Variants in COL24A1 observed in about 807,000 individuals in gnomAD.
COL24A1 encodes collagen alpha-1(XXIV) chain.
Under a neutral mutation model 253.9 loss-of-function variants are expected in COL24A1, and 224 were observed. That is an observed-to-expected ratio of 0.88 (90% CI 0.79 to 0.99). COL24A1 has a LOEUF of 0.99. Among genes scored for constraint, COL24A1 ranks in the 50% least tolerant of loss-of-function variants. The pLI, the probability that COL24A1 is intolerant of heterozygous loss-of-function variation, is 0.00. For synonymous variants in COL24A1, 685 were observed against 673.7 expected, an observed-to-expected ratio of 1.02 and a Z score of -0.26; for missense variants, 2,131 against 2,068.5, an observed-to-expected ratio of 1.03 and a Z score of -0.59.
intron 18 of COL24A1, among the ~76,000 whole-genome samples, chr1:86,018,876 T>A (rs915773158): frequency 1.1e-4 from 17 of 152,274 alleles, no homozygotes; most frequent in South Asian, 2.1e-4. Flanking sequence ...CTATTTTTTT[T>A]TAAAATACTT....
chr1:85,784,208 C>T (rs1312961879), intron 49 of COL24A1, 42 bp from the exon 50 acceptor site: 4 of 1,610,058 alleles, frequency 2.5e-6, no homozygotes, highest in Non-Finnish European at 3.4e-6. Flanking sequence ...TGTACAATGG[C>T]AGCCTGCTCT....
chr1:86,125,845 T>C lies in COL24A1; in HGVS notation c.491A>G (p.His164Arg), dbSNP rs552006324. The C allele has an allele frequency of 6.2e-7, 1 of 1,613,300 alleles. No individual in the cohort carries two copies. The change falls in exon 3 of 60, where the codon CAC becomes CGC. Residue 164 changes from histidine to arginine, a missense_variant. Physicochemically the swap from His to Arg is conservative, Grantham distance 29 (BLOSUM62 0). Transcript: ENST00000370571. ...FNYSVHDEQW[H>R]SFAITIRNQS... ...GTTTCTAATAGTAATGGCAAATGAG[T>C]GCCATTGCTCATCATGAACACTGTA... is the stretch of plus-strand genomic sequence containing the variant.
intron 24 of COL24A1, among the ~76,000 whole-genome samples, chr1:85,952,136 A>G (rs1689995932): frequency 6.6e-6 from 1 of 152,222 alleles, no homozygotes; most frequent in Non-Finnish European, 1.5e-5. Context: ...ACATTCTCTG[A>G]TAACTTTTTC....
chr1:85,997,469 T>C (rs1694939116), intron 19 of COL24A1, among the ~76,000 whole-genome samples: 2 of 152,076 alleles, frequency 1.3e-5, no homozygotes, highest in African/African-American at 4.8e-5. Flanking sequence ...TCCTATTCCA[T>C]TGCTATTGCA....
intron 12 of COL24A1, among the ~76,000 whole-genome samples, chr1:86,040,010 A>G (rs527733781): frequency 1.3e-5 from 2 of 152,190 alleles, no homozygotes; most frequent in Non-Finnish European, 2.9e-5. Context: ...GTTTGGCCCA[A>G]TTCATGGAGA....
rs187240760 is a variant in COL24A1, at chr1:85,787,287, G to T, written c.3952-826C>A. On this transcript the variant is annotated intron_variant, in intron 47 of 59. Coordinates refer to ENST00000370571, the MANE Select transcript of COL24A1 (RefSeq NM_152890.7). ...AGGTAAATGTGTGCCATGGTGATTT[G>T]CTCCAGCTATCAACCCATCACCTAG... is the stretch of plus-strand genomic sequence containing the variant. Among the ~76,000 whole-genome samples, 69 of 151,572 alleles carry T rather than the reference G, an allele frequency of 4.6e-4. No homozygotes were observed. In the East Asian group the frequency reaches 0.013, roughly 29 times the overall value.
At chr1:86,122,056 C>T (rs1223034873) in intron 3 of COL24A1, among the ~76,000 whole-genome samples, 1 of 152,110 alleles carries the variant, frequency 6.6e-6, no homozygotes, top group African/African-American at 2.4e-5. Flanking sequence ...ATTATTTTAT[C>T]ACCATTCAGT....
intron 48 of COL24A1, among the ~76,000 whole-genome samples, chr1:85,785,651 G>A (rs1669606577): frequency 6.6e-6 from 1 of 152,196 alleles, no homozygotes; most frequent in Non-Finnish European, 1.5e-5. Flanking sequence ...CAGTAAACAA[G>A]TAGGTCATGA....
chr1:85,747,515 A>C (rs1329827666), intron 55 of COL24A1, among the ~76,000 whole-genome samples: 1 of 152,160 alleles, frequency 6.6e-6, no homozygotes, highest in Non-Finnish European at 1.5e-5. Context: ...GTTAATATAA[A>C]TATTTTTATA....
chr1:85,730,401 G>A lies in COL24A1; in HGVS notation c.*145C>T. On this transcript the variant is annotated 3_prime_UTR_variant, in exon 60 of 60. Coordinates refer to ENST00000370571, the MANE Select transcript of COL24A1 (RefSeq NM_152890.7). ...AAAATGCCTTTTCTCCTTCTTAGGAGGAAGTCTGTTCTTCCTGAGATTCTT... is the reference window on the plus strand; with the variant it reads ...AAAATGCCTTTTCTCCTTCTTAGGAAGAAGTCTGTTCTTCCTGAGATTCTT... The A allele has an allele frequency of 1.3e-6, 1 of 757,468 alleles. No individual in the cohort carries two copies. Among genetic ancestry groups the A allele is most frequent in the Non-Finnish European group, 2.0e-6 (1 of 498,030 alleles). The allele number at this position is 757,468 out of a possible 1,614,324, so 46.9% of individuals were successfully genotyped here.
chr1:86,014,630 T>C (rs1263859909), intron 19 of COL24A1, among the ~76,000 whole-genome samples: 2 of 150,824 alleles, frequency 1.3e-5, no homozygotes, highest in Admixed American at 6.7e-5. Flanking sequence ...TCCTATTTTC[T>C]ATTTTTGGAA....
chr1:85,819,121 A>G (rs1301838029), intron 45 of COL24A1, among the ~76,000 whole-genome samples: 4 of 152,180 alleles, frequency 2.6e-5, no homozygotes, highest in African/African-American at 9.7e-5. Context: ...TTTGAAAACT[A>G]TTGTACTTGT....
In COL24A1 at chr1:85,856,622, T is replaced by C. The variant is rs76944193; in HGVS notation, c.3301-7216A>G. On this transcript the variant is annotated intron_variant, in intron 37 of 59. Transcript: ENST00000370571. ...CATTTGTATTTGGTATGTTAAACTT[T>C]ACGCGTCCAAAACCAAAGTCTCTAA... Among the ~76,000 whole-genome samples, 892 of 152,310 alleles carry C rather than the reference T, an allele frequency of 5.9e-3. 7 individuals carry two copies. Among genetic ancestry groups the C allele is most frequent in the African/African-American group, 0.021 (861 of 41,570 alleles).
chr1:86,110,566 C>T (rs2102136840), intron 5 of COL24A1, among the ~76,000 whole-genome samples: 1 of 151,934 alleles, frequency 6.6e-6, no homozygotes, highest in Non-Finnish European at 1.5e-5. Context: ...GAGGGAGAGG[C>T]GCAGGCAGGA....
At chr1:86,077,472 G>T (rs1459800615) in intron 7 of COL24A1, among the ~76,000 whole-genome samples, 1 of 152,124 alleles carries the variant, frequency 6.6e-6, no homozygotes, top group African/African-American at 2.4e-5. Flanking sequence ...ATTTGACCCA[G>T]CAATCTCATT....
At chr1:86,024,260 A>G (rs1697814381) in intron 14 of COL24A1, among the ~76,000 whole-genome samples, 1 of 152,102 alleles carries the variant, frequency 6.6e-6, no homozygotes, top group African/African-American at 2.4e-5. Flanking sequence ...TACTTAGTAC[A>G]TGGCACTGTA....
intron 43 of COL24A1, among the ~76,000 whole-genome samples, chr1:85,832,002 A>T (rs1410096996): frequency 1.3e-5 from 2 of 152,054 alleles, no homozygotes; most frequent in African/African-American, 4.8e-5. Context: ...GTCCTTGCCC[A>T]TGCCTATGTC....
chr1:85,766,437 A>T (rs1352823464), intron 53 of COL24A1, among the ~76,000 whole-genome samples: 1 of 150,970 alleles, frequency 6.6e-6, no homozygotes, highest in African/African-American at 2.4e-5. Context: ...GAATCTAGGG[A>T]CTCATTTTAA....
intron 24 of COL24A1, among the ~76,000 whole-genome samples, chr1:85,935,127 A>G (rs192804209): frequency 2.0e-4 from 31 of 152,300 alleles, no homozygotes; most frequent in Admixed American, 1.7e-3. Flanking sequence ...CTATTTATTA[A>G]CTAAAGACTG....
Sources: allele counts gnomAD v4.1 joint callset (sites outside exome capture counted in the v4.1 genomes callset), GRCh38; gene constraint gnomAD v4.1.1; transcripts MANE v1.5; gene names NCBI Gene and HGNC (gene_info 2026-07-23, HGNC 2026-07-21).